Variants in ADGRL3 observed in about 807,000 individuals in gnomAD.
ADGRL3 encodes the protein adhesion G protein-coupled receptor L3.
In ADGRL3, 62 loss-of-function variants were observed where a neutral mutation model predicts 153.5. The observed-to-expected ratio is 0.40, with a 90% CI of 0.33 to 0.50. ADGRL3 has a LOEUF of 0.50. ADGRL3 is among the 20% of genes least tolerant of loss of function. ADGRL3 has a pLI of 0.47. For missense variants in ADGRL3, 1,641 were observed against 1,859.4 expected (o/e 0.88, Z 2.16); for synonymous variants, 710 against 672.5 (o/e 1.06, Z -0.86).
At chr4:61,318,295 T>A (rs1201041248) in intron 1 of ADGRL3, among the ~76,000 whole-genome samples, 1 of 151,788 alleles carries the variant, frequency 6.6e-6, no homozygotes, top group African/African-American at 2.4e-5. Flanking sequence ...AATAGTCTGC[T>A]TCAACAACTT....
chr4:61,413,160 T>G (rs962760437), intron 2 of ADGRL3, among the ~76,000 whole-genome samples: 3 of 152,182 alleles, frequency 2.0e-5, no homozygotes, highest in South Asian at 4.1e-4. Context: ...ATATTGAAGC[T>G]TTTTATTATT....
intron 2 of ADGRL3, among the ~76,000 whole-genome samples, chr4:61,392,572 G>A (rs947695622): frequency 6.6e-6 from 1 of 150,592 alleles, no homozygotes; most frequent in Admixed American, 6.6e-5. Flanking sequence ...TGTAGTCCCA[G>A]CTACTTCGTA....
rs557280917 is a variant in ADGRL3, at chr4:61,935,925, T to A, written c.2299T>A (p.Leu767Met). The change falls in exon 15 of 27, where the codon TTG becomes ATG. Residue 767 changes from leucine to methionine, a missense_variant and splice_region_variant. Coordinates refer to ENST00000683033, the MANE Select transcript of ADGRL3 (RefSeq NM_001387552.1). ...TGATATCTCTTTGATATTAACAGAATTGGAAGTTGCAAGACTGAGCACAGA... is the reference window on the plus strand; with the variant it reads ...TGATATCTCTTTGATATTAACAGAAATGGAAGTTGCAAGACTGAGCACAGA... ...IVRENTDNIKLEVARLSTEGN... is the reference protein window; with the variant it reads ...IVRENTDNIKMEVARLSTEGN... 6.3e-7 allele frequency: 1 copy of A among 1,590,258 alleles called. No individual in the cohort carries two copies. The highest frequency in any genetic ancestry group is 8.6e-7 in the Non-Finnish European group (1 of 1,167,280).
At chr4:61,470,545 A>G (rs970146587) in intron 2 of ADGRL3, among the ~76,000 whole-genome samples, 5 of 151,874 alleles carry the variant, frequency 3.3e-5, no homozygotes, top group Non-Finnish European at 1.5e-5. Flanking sequence ...ATAGATAAGT[A>G]CTCCTTGTTT....
intron 5 of ADGRL3, among the ~76,000 whole-genome samples, chr4:61,645,240 A>G (rs898178164): frequency 2.0e-4 from 30 of 152,166 alleles, no homozygotes; most frequent in African/African-American, 7.2e-4. Flanking sequence ...TCTTTATCCA[A>G]TTTGCCAGTC....
chr4:61,278,256 G>A (rs562336949), intron 1 of ADGRL3, among the ~76,000 whole-genome samples: 58 of 152,098 alleles, frequency 3.8e-4, no homozygotes, highest in Middle Eastern at 3.4e-3. Flanking sequence ...CTTGCTCCCT[G>A]ACAGACATGC....
intron 2 of ADGRL3, among the ~76,000 whole-genome samples, chr4:61,399,272 G>T (rs1048957180): frequency 1.6e-4 from 24 of 151,618 alleles, no homozygotes; most frequent in Admixed American, 1.5e-3. Context: ...GAATGGAGAT[G>T]ATTTTAAAAT....
At chr4:61,444,434 G>GT (rs1401753582) in intron 2 of ADGRL3, among the ~76,000 whole-genome samples, 1 of 152,094 alleles carries the variant, frequency 6.6e-6, no homozygotes, top group Non-Finnish European at 1.5e-5. Flanking sequence ...AGCTCACCAT[G>GT]TTTTTTTGTT....
At chr4:61,442,800 C>A (rs2097541472) in intron 2 of ADGRL3, among the ~76,000 whole-genome samples, 1 of 151,834 alleles carries the variant, frequency 6.6e-6, no homozygotes, top group African/African-American at 2.4e-5. Context: ...TGATTATGCA[C>A]CTTAATAATT....
chr4:61,271,885 T>G (rs1047204924), intron 1 of ADGRL3, among the ~76,000 whole-genome samples: 1 of 152,072 alleles, frequency 6.6e-6, no homozygotes, highest in Non-Finnish European at 1.5e-5. Context: ...TAGTTCCATC[T>G]ACTTCTAGAT....
chr4:62,035,551 C>A (rs1724524657), intron 23 of ADGRL3, among the ~76,000 whole-genome samples: 1 of 152,040 alleles, frequency 6.6e-6, no homozygotes, highest in African/African-American at 2.4e-5. Context: ...CTTCATAAAT[C>A]AGTAGAAATT....
At chr4:61,866,301 C>T (rs1477706947) in intron 9 of ADGRL3, among the ~76,000 whole-genome samples, 3 of 152,172 alleles carry the variant, frequency 2.0e-5, no homozygotes, top group South Asian at 2.1e-4. Flanking sequence ...TCAAATCAAC[C>T]TCTGTTCTGA....
intron 2 of ADGRL3, among the ~76,000 whole-genome samples, chr4:61,495,890 G>A (rs2098310230): frequency 6.6e-6 from 1 of 152,084 alleles, no homozygotes; most frequent in Admixed American, 6.6e-5. Flanking sequence ...AATGAATGAT[G>A]TTCGAACTGC....
At chr4:61,516,998 T>C (rs1489720672) in intron 3 of ADGRL3, among the ~76,000 whole-genome samples, 1 of 151,990 alleles carries the variant, frequency 6.6e-6, no homozygotes, top group African/African-American at 2.4e-5. Context: ...AAAAATAATA[T>C]TTATATTTTT....
At chr4:61,232,561 G>A (rs1191328236) in intron 1 of ADGRL3, among the ~76,000 whole-genome samples, 1 of 151,934 alleles carries the variant, frequency 6.6e-6, no homozygotes. Flanking sequence ...CACCTTCCTT[G>A]GCCTCCCAAA....
intron 1 of ADGRL3, among the ~76,000 whole-genome samples, chr4:61,234,156 A>G (rs868508481): frequency 5.3e-5 from 8 of 152,090 alleles, no homozygotes; most frequent in Non-Finnish European, 8.8e-5. Flanking sequence ...CCATTTTTAT[A>G]CTGCTGATAA....
chr4:62,015,311 A>G (rs2099206442), intron 21 of ADGRL3, among the ~76,000 whole-genome samples: 1 of 152,180 alleles, frequency 6.6e-6, no homozygotes, highest in Non-Finnish European at 1.5e-5. Context: ...TGCCTATGGA[A>G]GTCGATATTT....
At chr4:61,598,500 A>T (rs985618790) in intron 5 of ADGRL3, among the ~76,000 whole-genome samples, 1 of 152,174 alleles carries the variant, frequency 6.6e-6, no homozygotes, top group Non-Finnish European at 1.5e-5. Flanking sequence ...CATCCCCTAC[A>T]TTCCTTTAAT....
chr4:61,455,129 G>A (rs988126773), intron 2 of ADGRL3, among the ~76,000 whole-genome samples: 2 of 152,106 alleles, frequency 1.3e-5, no homozygotes, highest in Non-Finnish European at 2.9e-5. Flanking sequence ...AATAGTAATG[G>A]TGGGTTGGAG....
Sources: allele counts gnomAD v4.1 joint callset (sites outside exome capture counted in the v4.1 genomes callset), GRCh38; gene constraint gnomAD v4.1.1; transcripts MANE v1.5; gene names NCBI Gene and HGNC (gene_info 2026-07-23, HGNC 2026-07-21).